Variants in NTRK1 observed in about 807,000 individuals in gnomAD.
NTRK1 encodes high affinity nerve growth factor receptor.
In NTRK1, 62 loss-of-function variants were observed where a neutral mutation model predicts 86.8. The ratio of observed to expected loss-of-function variants is 0.71; its 90% CI spans 0.58 to 0.88. The LOEUF (loss-of-function observed/expected upper bound fraction) is 0.88. NTRK1 is among the 40% of genes least tolerant of loss of function. NTRK1 has a pLI of 0.00. For synonymous variants in NTRK1, 469 were observed against 456.6 expected (o/e 1.03, Z -0.35); for missense variants, 967 against 1,078.4 (o/e 0.90, Z 1.45).
intron 1 of NTRK1, among the ~76,000 whole-genome samples, chr1:156,830,172 GATACA>G (rs1283851724): frequency 1.3e-5 from 2 of 152,204 alleles, no homozygotes; most frequent in African/African-American, 2.4e-5. Flanking sequence ...TTACCACTTT[GATACA>G]CATTGTGATC....
intron 1 of NTRK1, among the ~76,000 whole-genome samples, chr1:156,821,370 A>G (rs888115645): frequency 1.3e-5 from 2 of 151,874 alleles, no homozygotes; most frequent in Non-Finnish European, 2.9e-5. Flanking sequence ...CATTTTCCTA[A>G]CAGATACTTA....
chr1:156,844,791 G>A, intron 2 of NTRK1: 2 of 1,614,180 alleles, frequency 1.2e-6, no homozygotes, highest in Non-Finnish European at 1.7e-6. Flanking sequence ...GAAGGACACT[G>A]TTCTTGCTGG....
At chr1:156,858,448 G>A, upstream of NTRK1, 1 of 913,978 alleles carries the variant, frequency 1.1e-6, no homozygotes. Context: ...CAGAGTAAGT[G>A]GAGGTGCTGT....
Position 156,866,925 on chromosome 1 carries a change from C to T in NTRK1, c.375C>T (p.Asn125=), listed in dbSNP as rs757803799. 50 of 1,614,226 alleles carry T rather than the reference C, an allele frequency of 3.1e-5. No individual in the cohort carries two copies. The highest frequency in any genetic ancestry group is 2.3e-4 in the Admixed American group (14 of 60,036). ...ACGCCCGCAGGAATCTCTCCTTCAACGCTCTGGAGTCTCTCTCCTGGAAAA... is the reference window on the plus strand; with the variant it reads ...ACGCCCGCAGGAATCTCTCCTTCAATGCTCTGGAGTCTCTCTCCTGGAAAA... ...PRLSRLNLSF[N]ALESLSWKTV... Residue 125 remains asparagine (N), a synonymous_variant, in exon 4 of 17, where the codon AAC becomes AAT. Transcript: ENST00000524377.
At chr1:156,843,576 G>C in intron 2 of NTRK1, 13 of 1,263,336 alleles carry the variant, frequency 1.0e-5, no homozygotes, top group African/African-American at 1.5e-5. Flanking sequence ...GAGGAGGGAA[G>C]TTACTGACCA....
upstream of NTRK1, among the ~76,000 whole-genome samples, chr1:156,857,322 G>T (rs915770834): frequency 2.2e-4 from 33 of 152,128 alleles, no homozygotes; most frequent in African/African-American, 7.5e-4. Flanking sequence ...GGCAGATAGG[G>T]GTTCTCTCAG....
At chr1:156,846,201 G>T (rs771434029) in intron 2 of NTRK1, 9 of 1,386,556 alleles carry the variant, frequency 6.5e-6, no homozygotes, top group Non-Finnish European at 8.7e-6. Flanking sequence ...CCTTTCTGGG[G>T]TCCAACAGCC....
chr1:156,864,319 C>A, intron 1 of NTRK1, 35 bp from the exon 2 acceptor site: 1 of 1,610,430 alleles, frequency 6.2e-7, no homozygotes, highest in Non-Finnish European at 8.5e-7. Context: ...AAGTGTGGGC[C>A]TGAGCCCTGT....
chr1:156,878,978 A>G, intron 14 of NTRK1, 144 bp from the exon 15 acceptor site: 1 of 913,482 alleles, frequency 1.1e-6, no homozygotes, highest in Non-Finnish European at 1.6e-6. Context: ...CCCTCTGGAC[A>G]GCTGCCTCTA....
chr1:156,864,389 A>G lies in NTRK1; in HGVS notation c.248A>G (p.Glu83Gly). 1 of 1,613,990 alleles carries G rather than the reference A, an allele frequency of 6.2e-7. No individual in the cohort carries two copies. Among genetic ancestry groups the G allele is most frequent in the East Asian group, 2.2e-5 (1 of 44,864 alleles). The change falls in exon 2 of 17, where the codon GAG becomes GGG. Residue 83 changes from glutamate to glycine, a missense_variant. This residue lies in a region of NTRK1 where 330 missense variants were observed against 302.0 expected (regional missense o/e 1.09). Coordinates refer to ENST00000524377, the MANE Select transcript of NTRK1 (RefSeq NM_002529.4). The stretch of plus-strand genomic sequence containing the variant: ...AACCAGCAGCATCTGCAGCATCTGG[A>G]GCTCCGTGATCTGAGGGGCCTGGGG... ...IENQQHLQHL[E>G]LRDLRGLGEL...
At chr1:156,819,503 TTTTTTTA>T (rs1288819333) in intron 1 of NTRK1, among the ~76,000 whole-genome samples, 2 of 111,160 alleles carry the variant, frequency 1.8e-5, no homozygotes, top group African/African-American at 6.1e-5. Flanking sequence ...GGGATTATTA[TTTTTTTA>T]TTTTTATTTT....
rs553119032 is a variant in NTRK1 at position 156,876,935 on chromosome 1, A to G, written c.1805+363A>G. ...ACGACAGTAACAACGACAGTAATGA[A>G]CATTTATCAGGCACCTTCTATGTTC... On this transcript the variant is annotated intron_variant, in intron 14 of 16. Transcript: ENST00000524377. Among the ~76,000 whole-genome samples the G allele has an allele frequency of 4.2e-4, 64 of 152,346 alleles. No individual in the cohort carries two copies. The South Asian group carries it at 0.011, about 26-fold the overall frequency.
intron 1 of NTRK1, among the ~76,000 whole-genome samples, chr1:156,863,809 T>G (rs1293006467): frequency 6.6e-6 from 1 of 152,156 alleles, no homozygotes; most frequent in Non-Finnish European, 1.5e-5. Context: ...GGGATAAGCC[T>G]TGGCCTTTTG....
At chr1:156,845,608 G>A (rs377182603) in intron 2 of NTRK1, 2 of 1,565,560 alleles carry the variant, frequency 1.3e-6, no homozygotes, top group Middle Eastern at 1.7e-4. Context: ...GGCCGCGCGC[G>A]CTCTTCGCAC....
rs55870362 is a variant in NTRK1, at chr1:156,873,018, AGTGTGTGT to A, written c.851-578_851-571del. On this transcript the variant is annotated intron_variant, in intron 7 of 16. Transcript: ENST00000524377. ...CAAACGCATATCTTTTTTCAAAAAG[AGTGTGTGT>A]GTGTGTGTGTGTGTGTGTGTGTGTG... Among the ~76,000 whole-genome samples, 97 of 131,016 alleles carry A rather than the reference AGTGTGTGT, an allele frequency of 7.4e-4. No individual in the cohort carries two copies. The Middle Eastern group carries it at 0.012, about 16-fold the overall frequency. 86.0% of individuals were successfully genotyped at this position (131,016 alleles called of 152,430 possible).
chr1:156,875,589 C>A lies in NTRK1; in HGVS notation c.1424C>A (p.Ser475Tyr). 6.2e-7 allele frequency: 1 copy of A among 1,613,894 alleles called. No homozygotes were observed. The change falls in exon 12 of 17, where the codon TCC becomes TAC. Residue 475 changes from serine (S) to tyrosine (Y), a missense_variant. Transcript: ENST00000524377. The part of the protein sequence containing the change: ...SLHFMTLGGS[S>Y]LSPTEGKGSG... ...CATTTCATGACATTGGGTGGCAGCTCCCTGTCCCCCACCGAGGGCAAAGGC... is the reference window on the plus strand; with the variant it reads ...CATTTCATGACATTGGGTGGCAGCTACCTGTCCCCCACCGAGGGCAAAGGC...
intron 11 of NTRK1, 113 bp downstream of exon 11, chr1:156,875,121 T>C (rs2102913091): frequency 1.2e-6 from 1 of 811,264 alleles, no homozygotes; most frequent in Non-Finnish European, 2.2e-6. Context: ...TTCCAGGGCG[T>C]GTGAGTGTGT....
chr1:156,868,179 C>A lies in NTRK1; in HGVS notation c.504C>A (p.Gly168=), dbSNP rs144594313. 4 of 1,613,648 alleles carry A rather than the reference C, an allele frequency of 2.5e-6. No homozygotes were observed. Among genetic ancestry groups the A allele is most frequent in the Non-Finnish European group, 3.4e-6 (4 of 1,180,040 alleles). The change falls in exon 5 of 17, where the codon GGC becomes GGA. Residue 168 remains glycine, a synonymous_variant. Coordinates refer to ENST00000524377, the MANE Select transcript of NTRK1 (RefSeq NM_002529.4). ...WLQRWEEEGL[G]GVPEQKLQCH... is the part of the protein sequence containing the mutation. ...AGCGCTGGGAGGAGGAGGGACTGGG[C>A]GGAGTGCCTGAACAGAAGCTGCAGT...
At chr1:156,845,465 C>A in intron 2 of NTRK1, 1 of 1,520,636 alleles carries the variant, frequency 6.6e-7, no homozygotes, top group Non-Finnish European at 8.8e-7. Context: ...CACCCCTGTG[C>A]CCTCTGCAGC....
Sources: gnomAD v4.1 joint callset for allele counts (sites outside exome capture counted in the v4.1 genomes callset) on GRCh38, gnomAD v4.1.1 for gene constraint, gnomAD v4.1.1 regional missense constraint, MANE v1.5 for transcripts, NCBI Gene and HGNC (gene_info 2026-07-23, HGNC 2026-07-21) for gene names.